The following PKNOX2 variants were observed in gnomAD, a reference collection of about 807,000 sequenced individuals.
PKNOX2 encodes homeobox protein PKNOX2.
In PKNOX2, 14 loss-of-function variants were observed where a neutral mutation model predicts 53.1. That is an observed-to-expected ratio of 0.26 (90% CI 0.17 to 0.41). The LOEUF (loss-of-function observed/expected upper bound fraction) is 0.41. PKNOX2 is among the 10% of genes least tolerant of loss of function. The probability of loss-of-function intolerance (pLI) is 1.00; values close to 1 mark genes in which losing one functional copy is unlikely to be tolerated. For synonymous variants in PKNOX2, 257 were observed against 242.8 expected (o/e 1.06, Z -0.54); for missense variants, 496 against 602.8 (o/e 0.82, Z 1.85).
chr11:125,431,543 G>A lies in PKNOX2; in HGVS notation c.*151G>A, dbSNP rs980681227. On this transcript the variant is annotated 3_prime_UTR_variant, in exon 13 of 13. Transcript: ENST00000298282. ...CAGTAGCTTGAAGAAAGGCAAAGGA[G>A]ACACCTGTTCCTTCCCAACCACCGA... 3 of 900,624 alleles carry A rather than the reference G, an allele frequency of 3.3e-6. No individual in the cohort carries two copies. Among genetic ancestry groups the A allele is most frequent in the Non-Finnish European group, 4.9e-6 (3 of 607,548 alleles). 55.8% of individuals were successfully genotyped at this position (900,624 alleles called of 1,614,324 possible).
chr11:125,336,399 C>T (rs1950432743), intron 3 of PKNOX2, among the ~76,000 whole-genome samples: 1 of 151,852 alleles, frequency 6.6e-6, no homozygotes, highest in Non-Finnish European at 1.5e-5. Flanking sequence ...AATTAGCACA[C>T]ATCCTTCCCC....
chr11:125,277,640 G>C, intron 2 of PKNOX2: 1 of 152,212 alleles, frequency 6.6e-6, no homozygotes, highest in East Asian at 1.9e-4. Flanking sequence ...ACAAATTCAT[G>C]AAGCATTCCA....
chr11:125,188,964 G>A (rs1186857898), intron 1 of PKNOX2, among the ~76,000 whole-genome samples: 1 of 152,006 alleles, frequency 6.6e-6, no homozygotes, highest in Non-Finnish European at 1.5e-5. Context: ...CCGTGCTGGT[G>A]CTAATTCCCA....
chr11:125,312,321 G>A (rs1045963647), intron 2 of PKNOX2, among the ~76,000 whole-genome samples: 4 of 152,316 alleles, frequency 2.6e-5, no homozygotes, highest in East Asian at 3.9e-4. Flanking sequence ...AAAATGCCTG[G>A]TGGAGGGGAG....
chr11:125,416,650 C>T (rs1281840828), intron 10 of PKNOX2, among the ~76,000 whole-genome samples: 1 of 152,056 alleles, frequency 6.6e-6, no homozygotes, highest in Non-Finnish European at 1.5e-5. Flanking sequence ...GTGTGGCTAA[C>T]AGACATTCTA....
chr11:125,364,605 G>C (rs141068222), intron 4 of PKNOX2, among the ~76,000 whole-genome samples: 28 of 152,284 alleles, frequency 1.8e-4, no homozygotes, highest in Non-Finnish European at 3.4e-4. Flanking sequence ...AGAGCACACT[G>C]CTCCCCCTAT....
At chr11:125,176,842 T>G (rs1428044411) in intron 1 of PKNOX2, among the ~76,000 whole-genome samples, 1 of 152,234 alleles carries the variant, frequency 6.6e-6, no homozygotes, top group Non-Finnish European at 1.5e-5. Context: ...CCCAGTCAGC[T>G]GCATCACAGA....
intron 1 of PKNOX2, among the ~76,000 whole-genome samples, chr11:125,233,075 G>T (rs751640139): frequency 9.2e-5 from 14 of 152,130 alleles, no homozygotes; most frequent in Non-Finnish European, 1.9e-4. Flanking sequence ...TATTTCATTG[G>T]TAGTTGTCAT....
intron 2 of PKNOX2, among the ~76,000 whole-genome samples, chr11:125,248,949 C>T (rs1163374554): frequency 8.2e-6 from 1 of 121,220 alleles, no homozygotes; most frequent in Non-Finnish European, 1.7e-5. Context: ...AACGTATATA[C>T]ATGTATATAT....
intron 3 of PKNOX2, among the ~76,000 whole-genome samples, chr11:125,338,135 G>A (rs917548632): frequency 2.0e-5 from 3 of 152,178 alleles, no homozygotes; most frequent in African/African-American, 7.2e-5. Flanking sequence ...CCCCCTTGGG[G>A]AGCTCTCTGC....
chr11:125,368,956 C>G (rs567036400), intron 5 of PKNOX2, among the ~76,000 whole-genome samples: 1 of 152,172 alleles, frequency 6.6e-6, no homozygotes, highest in Non-Finnish European at 1.5e-5. Flanking sequence ...AAGTGTGGCT[C>G]GCCTCTGGCT....
intron 2 of PKNOX2, among the ~76,000 whole-genome samples, chr11:125,297,648 C>A (rs1226195643): frequency 6.6e-6 from 1 of 152,192 alleles, no homozygotes; most frequent in Non-Finnish European, 1.5e-5. Flanking sequence ...GGGTCCTCCA[C>A]CTTCCTCACC....
intron 2 of PKNOX2, among the ~76,000 whole-genome samples, chr11:125,250,697 G>A (rs1591496509): frequency 6.6e-6 from 1 of 152,226 alleles, no homozygotes; most frequent in Non-Finnish European, 1.5e-5. Flanking sequence ...GAACGACAGA[G>A]GTGACCTGCC....
intron 4 of PKNOX2, among the ~76,000 whole-genome samples, chr11:125,358,553 C>G (rs1197859933): frequency 1.3e-5 from 2 of 152,342 alleles, no homozygotes; most frequent in Middle Eastern, 3.4e-3. Flanking sequence ...AATTAATTAA[C>G]TAACTGAAAC....
chr11:125,289,707 G>A (rs1286865885), intron 2 of PKNOX2, among the ~76,000 whole-genome samples: 3 of 152,148 alleles, frequency 2.0e-5, no homozygotes, highest in Non-Finnish European at 4.4e-5. Context: ...GGCCAGAGCA[G>A]GGGTATCGTC....
intron 2 of PKNOX2, among the ~76,000 whole-genome samples, chr11:125,295,921 C>G (rs895900894): frequency 6.6e-6 from 1 of 152,208 alleles, no homozygotes; most frequent in Non-Finnish European, 1.5e-5. Context: ...CTTCTGTTCT[C>G]TCTGCCCCAC....
In PKNOX2 at chr11:125,342,597, G is replaced by A. The variant is rs528711921; in HGVS notation, c.-22-8687G>A. ...CTCTGTTGAGTTGTGGGTCTCAGGGGCCCGGCCTGTGTTGTTTTCTCAGCT... is the reference window on the plus strand; with the variant it reads ...CTCTGTTGAGTTGTGGGTCTCAGGGACCCGGCCTGTGTTGTTTTCTCAGCT... On this transcript the variant is annotated intron_variant, in intron 3 of 12. Coordinates refer to ENST00000298282, the MANE Select transcript of PKNOX2 (RefSeq NM_001382323.2). Among the ~76,000 whole-genome samples, 6 of 152,332 alleles carry A rather than the reference G, an allele frequency of 3.9e-5. No individual in the cohort carries two copies. The East Asian group carries it at 9.6e-4, about 24-fold the overall frequency.
intron 1 of PKNOX2, among the ~76,000 whole-genome samples, chr11:125,230,393 C>T (rs7104314): frequency 0.023 from 3,440 of 152,306 alleles, 118 homozygotes; most frequent in African/African-American, 0.078. Flanking sequence ...GATGAGGGTG[C>T]ACGGGTGGAA....
At chr11:125,266,993 C>T (rs1945404453) in intron 2 of PKNOX2, among the ~76,000 whole-genome samples, 1 of 152,110 alleles carries the variant, frequency 6.6e-6, no homozygotes, top group Non-Finnish European at 1.5e-5. Context: ...GAAAAATCTC[C>T]CTTTTGATTT....
Sources: gnomAD v4.1 joint callset for allele counts (sites outside exome capture counted in the v4.1 genomes callset) on GRCh38, gnomAD v4.1.1 for gene constraint, MANE v1.5 for transcripts, NCBI Gene and HGNC (gene_info 2026-07-23, HGNC 2026-07-21) for gene names.